Variants in TPP2 observed in about 807,000 individuals in gnomAD.
TPP2 encodes the protein tripeptidyl peptidase 2.
In TPP2, 34 loss-of-function variants were observed where a neutral mutation model predicts 155.9. The observed-to-expected ratio is 0.22, with a 90% CI of 0.17 to 0.29. The LOEUF (loss-of-function observed/expected upper bound fraction) is 0.29. Among genes scored for constraint, TPP2 ranks in the 10% least tolerant of loss-of-function variants. TPP2 has a pLI of 1.00. For synonymous variants in TPP2, 510 were observed against 529.4 expected, an observed-to-expected ratio of 0.96 and a Z score of 0.50; for missense variants, 1,028 against 1,522.3, an observed-to-expected ratio of 0.68 and a Z score of 5.40.
Position 102,648,770 on chromosome 13 carries a change from G to A in TPP2, c.2629-137G>A. 3 of 1,176,984 alleles carry A rather than the reference G, an allele frequency of 2.5e-6. No individual in the cohort carries two copies. The South Asian group carries it at 5.0e-5, about 20-fold the overall frequency. The allele number at this position is 1,176,984 out of a possible 1,614,324, so 72.9% of individuals were successfully genotyped here. ...ACTTTATGTGTTATATGAACGTCTG[G>A]ATAGTTAGTTCCTTGCACTGTACCT... On this transcript the variant is annotated intron_variant, in intron 21 of 29. Coordinates refer to ENST00000376052, the MANE Select transcript of TPP2 (RefSeq NM_001330588.2).
intron 21 of TPP2, among the ~76,000 whole-genome samples, chr13:102,647,794 C>T (rs1367710165): frequency 2.6e-5 from 4 of 152,304 alleles, no homozygotes; most frequent in Admixed American, 2.0e-4. Context: ...CGTTGGACAA[C>T]TCTGTAATGA....
chr13:102,646,033 C>G (rs920629309), intron 19 of TPP2, among the ~76,000 whole-genome samples: 1 of 152,176 alleles, frequency 6.6e-6, no homozygotes, highest in African/African-American at 2.4e-5. Flanking sequence ...TGTTTGTTCA[C>G]ATTTGAAAAT....
rs922940708 is a variant in TPP2, at chr13:102,622,995, A to G, written c.739A>G (p.Asn247Asp). ...AGCTGAGATGTTGAATTACTCCGTT[A>G]ATATATACGATGATGGAAACCTGCT... ...GTAEMLNYSVNIYDDGNLLSI... is the reference protein window; with the variant it reads ...GTAEMLNYSVDIYDDGNLLSI... The change falls in exon 6 of 30, where the codon AAT (asparagine) becomes GAT (aspartate). Residue 247 changes from asparagine (N) to aspartate (D), a missense_variant. By Grantham distance (23) the Asn-to-Asp change is conservative. Transcript: ENST00000376052. 1 of 1,613,858 alleles carries G rather than the reference A, an allele frequency of 6.2e-7. No individual in the cohort carries two copies. Among genetic ancestry groups the G allele is most frequent in the Non-Finnish European group, 8.5e-7 (1 of 1,179,992 alleles).
chr13:102,627,903 C>G lies in TPP2; in HGVS notation c.995C>G (p.Ala332Gly). The change falls in exon 8 of 30, where the codon GCA becomes GGA. Residue 332 changes from alanine (A) to glycine (G), a missense_variant. Physicochemically the swap from Ala to Gly is moderately conservative, Grantham distance 60. This residue lies in a region of TPP2 where 63 missense variants were observed against 165.7 expected (regional missense o/e 0.38). Coordinates refer to ENST00000376052, the MANE Select transcript of TPP2 (RefSeq NM_001330588.2). ...CDLVNYSYGE[A>G]THWPNSGRIC... is the part of the protein sequence containing the mutation. ...CTTGTCAACTACAGTTACGGAGAAG[C>G]AACTCACTGGCCAAATTCTGGGTGA... The G allele has an allele frequency of 6.2e-7, 1 of 1,613,380 alleles. No individual in the cohort carries two copies. The highest frequency in any genetic ancestry group is 2.2e-5 in the East Asian group (1 of 44,830).
Position 102,652,397 on chromosome 13 carries a change from CATATATATATATATAT to C in TPP2, c.2991+1042_2991+1057del, listed in dbSNP as rs10530428. ...CCTGTCTCAAAACAAAACATACATA[CATATATATATATATAT>C]ATATATATATATATATATATATATA... On this transcript the variant is annotated intron_variant, in intron 24 of 29. Coordinates refer to ENST00000376052, the MANE Select transcript of TPP2 (RefSeq NM_001330588.2). Among the ~76,000 whole-genome samples the C allele has an allele frequency of 4.4e-3, 549 of 125,272 alleles. 5 individuals are homozygous for C. The highest frequency in any genetic ancestry group is 0.013 in the East Asian group (55 of 4,254). The allele number at this position is 125,272 out of a possible 152,430, so 82.2% of individuals were successfully genotyped here. A position where few individuals can be genotyped will look rare whatever the true frequency, so the allele number is the denominator to read the frequency against.
At chr13:102,645,045 A>C (rs770008019) in intron 19 of TPP2, 36 bp downstream of exon 19, 1 of 1,589,142 alleles carries the variant, frequency 6.3e-7, no homozygotes, top group Non-Finnish European at 8.6e-7. Flanking sequence ...CAGATATTGA[A>C]TATAGATTGG....
chr13:102,651,216 A>G lies in TPP2; in HGVS notation c.2953-143A>G, dbSNP rs777871834. On this transcript the variant is annotated intron_variant, in intron 23 of 29. Transcript: ENST00000376052. ...TGGCAATGTTGCTTTCTTTAAAAGC[A>G]TGCCATCTTAATCACAGACCTGAGC... 6.8e-5 allele frequency: 50 copies of G among 735,194 alleles called. 1 individual carries two copies. Among genetic ancestry groups the G allele is most frequent in the East Asian group, 6.5e-4 (21 of 32,332 alleles). 45.5% of individuals were successfully genotyped at this position (735,194 alleles called of 1,614,324 possible).
intron 24 of TPP2, among the ~76,000 whole-genome samples, chr13:102,652,593 A>C (rs1354427355): frequency 6.6e-6 from 1 of 151,346 alleles, no homozygotes. Flanking sequence ...ATTAGTAGTG[A>C]TATGGAACTG....
At chr13:102,677,373 C>T (rs958086336) in intron 29 of TPP2, among the ~76,000 whole-genome samples, 6 of 28,092 alleles carry the variant, frequency 2.1e-4, no homozygotes, top group African/African-American at 6.0e-4. Flanking sequence ...TCCACTCTGC[C>T]CCCCCCGCTG....
chr13:102,608,284 A>G (rs1003090219), intron 2 of TPP2, among the ~76,000 whole-genome samples: 2 of 152,110 alleles, frequency 1.3e-5, no homozygotes, highest in African/African-American at 4.8e-5. Flanking sequence ...AATATTTTTT[A>G]TTTCTTGATT....
At chr13:102,629,645 A>T (rs1881879210) in intron 9 of TPP2, 36 bp downstream of exon 9, 1 of 1,545,436 alleles carries the variant, frequency 6.5e-7, no homozygotes, top group Admixed American at 2.4e-5. Context: ...TTTGTTTAGA[A>T]ACAAGCAAAC....
Position 102,614,207 on chromosome 13 carries a change from A to G in TPP2, c.390+11A>G, listed in dbSNP as rs778238140. ...AAGGAAAGGATACAGGTAATGTACA[A>G]TCTGGTACCAATGAGTTGTATTCTT... On this transcript the variant is annotated intron_variant, in intron 3 of 29. Transcript: ENST00000376052. The G allele has an allele frequency of 5.0e-6, 8 of 1,585,766 alleles. No homozygotes were observed. Among genetic ancestry groups the G allele is most frequent in the Middle Eastern group, 1.7e-4 (1 of 6,020 alleles).
At position 102,637,077 on chromosome 13, in the gene TPP2, G is replaced by T; in HGVS notation, c.1679-5G>T. The T allele has an allele frequency of 1.3e-6, 2 of 1,568,924 alleles. No individual in the cohort carries two copies. Among genetic ancestry groups the T allele is most frequent in the East Asian group, 2.3e-5 (1 of 43,846 alleles). On this transcript the variant is annotated splice_region_variant and splice_polypyrimidine_tract_variant and intron_variant, in intron 13 of 29. Transcript: ENST00000376052. ...ATCTTTAATTTTTGGTCTTTTTCGTGCCAGAAAACTCTGAAAAAATATCCC... is the reference window on the plus strand; with the variant it reads ...ATCTTTAATTTTTGGTCTTTTTCGTTCCAGAAAACTCTGAAAAAATATCCC...
chr13:102,629,377 T>A (rs532002526), intron 8 of TPP2, 105 bp from the exon 9 acceptor site: 58 of 1,308,054 alleles, frequency 4.4e-5, no homozygotes, highest in Non-Finnish European at 5.5e-5. Flanking sequence ...CAAGGGTGGA[T>A]GTACCAAAAT....
intron 3 of TPP2, among the ~76,000 whole-genome samples, chr13:102,614,462 T>A (rs975118792): frequency 7.9e-5 from 12 of 152,194 alleles, no homozygotes; most frequent in African/African-American, 2.9e-4. Flanking sequence ...TTTTTGTGTT[T>A]TTCTGGGAGA....
chr13:102,639,772 A>G (rs1882633410), intron 15 of TPP2, among the ~76,000 whole-genome samples: 1 of 152,176 alleles, frequency 6.6e-6, no homozygotes, highest in Admixed American at 6.5e-5. Flanking sequence ...ACTTTATTTC[A>G]TTGATTTCTT....
At chr13:102,619,061 T>C (rs1415038291) in intron 5 of TPP2, among the ~76,000 whole-genome samples, 2 of 152,196 alleles carry the variant, frequency 1.3e-5, no homozygotes, top group Non-Finnish European at 2.9e-5. Flanking sequence ...TTTATCTGAT[T>C]TAAATAAACT....
chr13:102,613,430 G>T (rs1260146772), intron 2 of TPP2, among the ~76,000 whole-genome samples: 1 of 152,200 alleles, frequency 6.6e-6, no homozygotes, highest in Admixed American at 6.5e-5. Context: ...TGATTGCAAA[G>T]AATATGAATA....
In TPP2 at chr13:102,672,347, TG is replaced by T. The variant is rs34254196; in HGVS notation, c.3372-1935del. On this transcript the variant is annotated intron_variant, in intron 27 of 29. Transcript: ENST00000376052. ...AGTAGAAAGCAGTCCTGCTTGTGAA[TG>T]ATCAGAGGTTGGGTTTTGGGGACAG... Among the ~76,000 whole-genome samples the T allele has an allele frequency of 1.5e-3, 224 of 152,322 alleles. 1 individual carries two copies. Among genetic ancestry groups the T allele is most frequent in the Non-Finnish European group, 2.9e-3 (195 of 68,026 alleles).
Sources: allele counts gnomAD v4.1 joint callset (sites outside exome capture counted in the v4.1 genomes callset), GRCh38; gene constraint gnomAD v4.1.1; regional missense constraint gnomAD v4.1.1; transcripts MANE v1.5; gene names NCBI Gene and HGNC (gene_info 2026-07-23, HGNC 2026-07-21).